Variants in C6 observed in about 807,000 individuals in gnomAD.
The protein encoded by C6 is complement component C6.
Under a neutral mutation model 112.9 loss-of-function variants are expected in C6, and 101 were observed. The observed-to-expected ratio is 0.89, with a 90% CI of 0.76 to 1.06. C6 has a LOEUF of 1.06. Among genes scored for constraint, C6 ranks in the 50% least tolerant of loss-of-function variants. The pLI is 0.00. For missense variants in C6, 1,202 were observed against 1,104.6 expected (o/e 1.09, Z -1.25); for synonymous variants, 431 against 384.1 (o/e 1.12, Z -1.43).
intron 17 of C6, 32 bp from the exon 18 acceptor site, chr5:41,143,038 T>C (rs1290290742): frequency 1.3e-6 from 2 of 1,591,154 alleles, no homozygotes; most frequent in East Asian, 4.5e-5. Flanking sequence ...CAGTGTGACT[T>C]ACCACAGTAC....
upstream of C6, among the ~76,000 whole-genome samples, chr5:41,218,192 A>C (rs1479985778): frequency 1.3e-5 from 2 of 152,222 alleles, no homozygotes. Context: ...AAGAACGTCA[A>C]GAAGTACTAA....
intron 5 of C6, among the ~76,000 whole-genome samples, chr5:41,191,143 T>A (rs1329221903): frequency 7.2e-6 from 1 of 139,426 alleles, no homozygotes; most frequent in Non-Finnish European, 1.5e-5. Context: ...CTCTGCTCAC[T>A]GCAACCTCCA....
intron 1 of C6, among the ~76,000 whole-genome samples, chr5:41,239,446 C>G (rs938019367): frequency 1.8e-4 from 27 of 152,074 alleles, no homozygotes; most frequent in African/African-American, 5.8e-4. Flanking sequence ...GGGAATGTTT[C>G]AAGTCATCTC....
intron 15 of C6, among the ~76,000 whole-genome samples, chr5:41,150,463 T>C (rs1271998764): frequency 6.6e-6 from 1 of 152,182 alleles, no homozygotes; most frequent in Non-Finnish European, 1.5e-5. Context: ...TATAGAATTG[T>C]TGCCTTTCTT....
At chr5:41,146,998 A>G (rs1745891759) in intron 17 of C6, among the ~76,000 whole-genome samples, 1 of 152,178 alleles carries the variant, frequency 6.6e-6, no homozygotes, top group African/African-American at 2.4e-5. Flanking sequence ...AATGGAAGGT[A>G]ACACTAAATA....
intron 1 of C6, among the ~76,000 whole-genome samples, chr5:41,232,873 C>T (rs1184978130): frequency 6.6e-6 from 1 of 151,742 alleles, no homozygotes; most frequent in Non-Finnish European, 1.5e-5. Flanking sequence ...GCATTTATAT[C>T]TCTCATTACA....
At chr5:41,160,402 A>T (rs1193969424) in intron 10 of C6, 35 bp from the exon 11 acceptor site, 4 of 1,535,574 alleles carry the variant, frequency 2.6e-6, no homozygotes, top group Non-Finnish European at 3.6e-6. Flanking sequence ...GTCCAGTCAC[A>T]TCCCCTTTGG....
At chr5:41,180,098 A>C (rs761818504) in intron 7 of C6, among the ~76,000 whole-genome samples, 2 of 152,190 alleles carry the variant, frequency 1.3e-5, no homozygotes, top group Non-Finnish European at 2.9e-5. Flanking sequence ...TTGAGGATAA[A>C]TGAAATACTT....
At chr5:41,230,605 G>C (rs1039038323) in intron 1 of C6, among the ~76,000 whole-genome samples, 3 of 152,140 alleles carry the variant, frequency 2.0e-5, no homozygotes, top group Non-Finnish European at 1.5e-5. Context: ...GCAGGACATA[G>C]ACCCTCATCA....
chr5:41,208,442 T>C (rs1262989443), intron 1 of C6, among the ~76,000 whole-genome samples: 1 of 152,064 alleles, frequency 6.6e-6, no homozygotes, highest in Non-Finnish European at 1.5e-5. Flanking sequence ...GCTGGTTTTT[T>C]GAAAAGATTG....
At chr5:41,204,976 A>G (rs1751321944) in intron 1 of C6, among the ~76,000 whole-genome samples, 1 of 152,156 alleles carries the variant, frequency 6.6e-6, no homozygotes, top group South Asian at 2.1e-4. Context: ...CTACAAGCTC[A>G]AAGAAAAATG....
At chr5:41,177,015 C>A (rs1351632174) in intron 7 of C6, among the ~76,000 whole-genome samples, 1 of 152,144 alleles carries the variant, frequency 6.6e-6, no homozygotes. Flanking sequence ...CTCCTGATTG[C>A]CAATCATGGC....
chr5:41,248,690 C>T (rs1019564825), intron 1 of C6, among the ~76,000 whole-genome samples: 5 of 152,100 alleles, frequency 3.3e-5, no homozygotes, highest in Non-Finnish European at 5.9e-5. Context: ...CTGGATAAGC[C>T]GTGGGGAAAA....
In C6 at chr5:41,186,152, C is replaced by G; in HGVS notation, c.644G>C (p.Gly215Ala). The G allele has an allele frequency of 1.2e-6, 2 of 1,613,878 alleles. No individual in the cohort carries two copies. Among genetic ancestry groups the G allele is most frequent in the Non-Finnish European group, 1.7e-6 (2 of 1,179,842 alleles). Residue 215 changes from glycine (G) to alanine (A), a missense_variant, in exon 6 of 18, where the codon GGA becomes GCA. Physicochemically the swap from Gly to Ala is moderately conservative, Grantham distance 60 (BLOSUM62 0). Transcript: ENST00000337836. ...RGEVLDNSFT[G>A]GICKTVKSSR... is the part of the protein sequence containing the mutation. The stretch of plus-strand genomic sequence containing the variant: ...GCTTTTGACAGTTTTACATATTCCT[C>G]CAGTGAAAGAGTTATCAAGGACTTC...
At chr5:41,203,580 T>A in intron 1 of C6, 65 of 269,350 alleles carry the variant, frequency 2.4e-4, no homozygotes, top group South Asian at 4.8e-4. Flanking sequence ...AGTCTTACCC[T>A]TCTCAAAACA....
In C6 at chr5:41,201,724, T is replaced by C. The variant is rs914290130; in HGVS notation, c.144-10A>G. 4 of 1,612,544 alleles carry C rather than the reference T, an allele frequency of 2.5e-6. No individual in the cohort carries two copies. The African/African-American group carries it at 4.0e-5, about 16-fold the overall frequency. ...ATCTACTACTATTTGTCTGTAACCA[T>C]GAAGAAGAAGTTGCTTAGAATGAGT... is the stretch of plus-strand genomic sequence containing the variant. On this transcript the variant is annotated splice_polypyrimidine_tract_variant and intron_variant, in intron 2 of 17. Coordinates refer to ENST00000337836, the MANE Select transcript of C6 (RefSeq NM_000065.5).
chr5:41,183,736 C>T (rs767151963), intron 6 of C6, among the ~76,000 whole-genome samples: 1 of 152,098 alleles, frequency 6.6e-6, no homozygotes, highest in Non-Finnish European at 1.5e-5. Context: ...AACCTAGGTG[C>T]CAATCAGCAG....
intron 12 of C6, 119 bp downstream of exon 12, chr5:41,158,963 G>T: frequency 7.7e-7 from 1 of 1,296,034 alleles, no homozygotes; most frequent in Non-Finnish European, 1.1e-6. Flanking sequence ...ATTCTGTGTT[G>T]GCATAGGTAA....
intron 1 of C6, among the ~76,000 whole-genome samples, chr5:41,231,595 T>A (rs567269718): frequency 1.6e-4 from 25 of 152,234 alleles, no homozygotes; most frequent in Admixed American, 1.4e-3. Flanking sequence ...AGGTTATAGT[T>A]TTCATTTTGG....
Sources: gnomAD v4.1 joint callset for allele counts (sites outside exome capture counted in the v4.1 genomes callset) on GRCh38, gnomAD v4.1.1 for gene constraint, MANE v1.5 for transcripts, NCBI Gene and HGNC (gene_info 2026-07-23, HGNC 2026-07-21) for gene names.